The following DMRT1 variants were observed in gnomAD, a reference collection of about 807,000 sequenced individuals.
DMRT1 encodes doublesex- and mab-3-related transcription factor 1.
A neutral mutation model predicts 32.3 loss-of-function variants in DMRT1; 7 were observed. The ratio of observed to expected loss-of-function variants is 0.22; its 90% CI spans 0.12 to 0.41. The LOEUF is 0.41. DMRT1 is among the 10% of genes least tolerant of loss of function. The probability of loss-of-function intolerance (pLI) is 1.00; values close to 1 mark genes in which losing one functional copy is unlikely to be tolerated. For synonymous variants in DMRT1, 278 were observed against 206.1 expected, an observed-to-expected ratio of 1.35 and a Z score of -2.99; for missense variants, 625 against 500.5, an observed-to-expected ratio of 1.25 and a Z score of -2.37.
intron 1 of DMRT1, 87 bp from the exon 2 acceptor site, chr9:846,873 A>T: frequency 6.6e-7 from 1 of 1,504,194 alleles, no homozygotes; most frequent in Admixed American, 1.7e-5. Context: ...CTAGTGAATC[A>T]TGGTGTCTGG....
At chr9:881,051 C>T (rs969484275) in intron 2 of DMRT1, among the ~76,000 whole-genome samples, 1 of 152,028 alleles carries the variant, frequency 6.6e-6, no homozygotes, top group South Asian at 2.1e-4. Flanking sequence ...GGTCCCATTG[C>T]GGGAGGCTGT....
chr9:899,839 AG>A (rs2129661192), intron 3 of DMRT1, among the ~76,000 whole-genome samples: 1 of 152,330 alleles, frequency 6.6e-6, no homozygotes, highest in African/African-American at 2.4e-5. Context: ...GCCCTATGGC[AG>A]GCGCCCTCTT....
At chr9:914,506 G>A (rs773730209) in intron 3 of DMRT1, among the ~76,000 whole-genome samples, 11 of 144,298 alleles carry the variant, frequency 7.6e-5, no homozygotes, top group South Asian at 2.2e-4. Flanking sequence ...CCTGGGAGGC[G>A]GAGCTTGCAA....
At chr9:933,756 A>G (rs753620458) in intron 4 of DMRT1, among the ~76,000 whole-genome samples, 1 of 152,232 alleles carries the variant, frequency 6.6e-6, no homozygotes, top group African/African-American at 2.4e-5. Context: ...TGGATAGTGC[A>G]GAAACAATAT....
In DMRT1 at chr9:904,709, C is replaced by A. The variant is rs183636146; in HGVS notation, c.822+10514C>A. Among the ~76,000 whole-genome samples, 17 of 152,288 alleles carry A rather than the reference C, an allele frequency of 1.1e-4. 1 individual carries two copies. The East Asian group carries it at 3.3e-3, about 29-fold the overall frequency. On this transcript the variant is annotated intron_variant, in intron 3 of 4. Coordinates refer to ENST00000382276, the MANE Select transcript of DMRT1 (RefSeq NM_021951.3). The stretch of plus-strand genomic sequence containing the variant: ...CCTGTAATCCCAGCACTTTGGGAGG[C>A]CGAGGCAGGTGGATCACCTGAGGTC...
At chr9:941,346 A>G (rs1819065467) in intron 4 of DMRT1, among the ~76,000 whole-genome samples, 1 of 124,304 alleles carries the variant, frequency 8.0e-6, no homozygotes, top group Non-Finnish European at 1.7e-5. Flanking sequence ...CCCCACACAT[A>G]TGCAATGGAA....
At chr9:859,603 C>T (rs894327883) in intron 2 of DMRT1, among the ~76,000 whole-genome samples, 6 of 152,194 alleles carry the variant, frequency 3.9e-5, no homozygotes, top group African/African-American at 1.4e-4. Context: ...TTTGAGTCTC[C>T]TATGAAAATT....
chr9:965,104 G>T lies in DMRT1; in HGVS notation c.968-2881G>T, dbSNP rs566469169. ...AAGGAAGCTGCATTAAAATGGAAAA[G>T]GTACCTCTGAGGGACGATCTTTAAG... On this transcript the variant is annotated intron_variant, in intron 4 of 4. Coordinates refer to ENST00000382276, the MANE Select transcript of DMRT1 (RefSeq NM_021951.3). The surrounding 1 kb of genome is among the most constrained non-coding windows in gnomAD (Gnocchi z 4.5). Among the ~76,000 whole-genome samples the T allele has an allele frequency of 6.6e-6, 1 of 152,274 alleles. No homozygotes were observed. Among genetic ancestry groups the T allele is most frequent in the Non-Finnish European group, 1.5e-5 (1 of 68,030 alleles).
chr9:852,258 A>G (rs12348419), intron 2 of DMRT1, among the ~76,000 whole-genome samples: 35,132 of 149,612 alleles, frequency 0.23, 5,065 homozygotes, highest in East Asian at 0.43. Context: ...ATTGATAAGC[A>G]AATAGTTTAT....
At chr9:872,865 G>A (rs7039779) in intron 2 of DMRT1, among the ~76,000 whole-genome samples, 2,910 of 152,230 alleles carry the variant, frequency 0.019, 93 homozygotes, top group African/African-American at 0.067. Flanking sequence ...TCAAAAGCGG[G>A]TGCACCGTTT....
chr9:897,660 T>C (rs950805810), intron 3 of DMRT1, among the ~76,000 whole-genome samples: 5 of 152,066 alleles, frequency 3.3e-5, no homozygotes, highest in African/African-American at 1.2e-4. Flanking sequence ...TCGTTGTTGG[T>C]TTTTTCCAAT....
chr9:954,983 G>A (rs1194909887), intron 4 of DMRT1, among the ~76,000 whole-genome samples: 2 of 152,216 alleles, frequency 1.3e-5, no homozygotes, highest in Non-Finnish European at 2.9e-5. Context: ...TCAGTAAGAA[G>A]TCAGGGAAAG....
At chr9:955,055 G>T (rs551198226) in intron 4 of DMRT1, among the ~76,000 whole-genome samples, 1 of 152,346 alleles carries the variant, frequency 6.6e-6, no homozygotes, top group Admixed American at 6.5e-5. Flanking sequence ...TGACAAAAGA[G>T]AACCCAGTTC....
intron 2 of DMRT1, among the ~76,000 whole-genome samples, chr9:851,072 C>T (rs542525190): frequency 4.7e-5 from 7 of 147,650 alleles, no homozygotes; most frequent in Non-Finnish European, 8.9e-5. Flanking sequence ...TGGAAGGCTA[C>T]GATTTGAAGT....
intron 2 of DMRT1, among the ~76,000 whole-genome samples, chr9:871,029 A>G (rs960088612): frequency 2.0e-5 from 3 of 151,670 alleles, no homozygotes; most frequent in Middle Eastern, 6.4e-3. Context: ...TTAAAACTGT[A>G]TTATTGGGTT....
intron 2 of DMRT1, among the ~76,000 whole-genome samples, chr9:854,111 C>CTTT (rs146472011): frequency 6.9e-6 from 1 of 144,326 alleles, no homozygotes; most frequent in Non-Finnish European, 1.5e-5. Context: ...ACACTAAGCC[C>CTTT]ATTTTTTTTT....
At chr9:934,736 G>C (rs1317582868) in intron 4 of DMRT1, among the ~76,000 whole-genome samples, 1 of 152,146 alleles carries the variant, frequency 6.6e-6, no homozygotes, top group Non-Finnish European at 1.5e-5. Flanking sequence ...GGCACTATTT[G>C]TTAAACACTC....
chr9:928,918 A>G (rs927516891), intron 4 of DMRT1, among the ~76,000 whole-genome samples: 1 of 150,678 alleles, frequency 6.6e-6, no homozygotes, highest in South Asian at 2.1e-4. Context: ...GCTCACTGCA[A>G]CCTCCGCCTC....
intron 3 of DMRT1, 154 bp downstream of exon 3, chr9:894,349 C>G (rs2132652973): frequency 1.2e-6 from 1 of 804,780 alleles, no homozygotes; most frequent in East Asian, 2.5e-5. Context: ...TGTGTGTGTG[C>G]CATTTTGCAC....
Sources: allele counts gnomAD v4.1 joint callset (sites outside exome capture counted in the v4.1 genomes callset), GRCh38; gene constraint gnomAD v4.1.1; non-coding constraint Gnocchi (gnomAD v3.1); transcripts MANE v1.5; gene names NCBI Gene and HGNC (gene_info 2026-07-23, HGNC 2026-07-21).